Variants in NELL1 observed in about 807,000 individuals in gnomAD.
NELL1 encodes the protein protein kinase C-binding protein NELL1.
Under a neutral mutation model 107.4 loss-of-function variants are expected in NELL1, and 76 were observed. That is an observed-to-expected ratio of 0.71 (90% CI 0.59 to 0.86). The LOEUF (loss-of-function observed/expected upper bound fraction) is 0.86. Ranked by LOEUF, NELL1 falls within the 40% of genes least tolerant of loss-of-function variation. The pLI, the probability that NELL1 is intolerant of heterozygous loss-of-function variation, is 0.00. For missense variants in NELL1, 1,024 were observed against 1,005.5 expected (o/e 1.02, Z -0.25); for synonymous variants, 353 against 341.2 (o/e 1.03, Z -0.38).
rs538678789 is a variant in NELL1 at position 21,141,735 on chromosome 11, CTTTT to C, written c.1426+28023_1426+28026del. Among the ~76,000 whole-genome samples the C allele has an allele frequency of 2.8e-4, 41 of 145,906 alleles. No homozygotes were observed. The South Asian group carries it at 5.5e-3, about 20-fold the overall frequency. ...CCATTGTATACCCTCCTCCTCTATC[CTTTT>C]TATTTATTTATTTATTTATTTATTT... On this transcript the variant is annotated intron_variant, in intron 13 of 19. Coordinates refer to ENST00000357134, the MANE Select transcript of NELL1 (RefSeq NM_006157.5).
chr11:20,708,728 A>C (rs921690655), intron 2 of NELL1, among the ~76,000 whole-genome samples: 1 of 151,980 alleles, frequency 6.6e-6, no homozygotes, highest in Admixed American at 6.6e-5. Flanking sequence ...TTTTAGTTTA[A>C]TTAGGTCCCA....
chr11:21,454,484 T>C (rs992812018), intron 15 of NELL1, among the ~76,000 whole-genome samples: 9 of 152,220 alleles, frequency 5.9e-5, no homozygotes, highest in Admixed American at 4.6e-4. Context: ...GCTGTTTTTC[T>C]CATATATTTC....
intron 12 of NELL1, among the ~76,000 whole-genome samples, chr11:21,092,060 T>A (rs994925013): frequency 2.0e-5 from 3 of 152,176 alleles, no homozygotes; most frequent in African/African-American, 7.2e-5. Flanking sequence ...GGATGAGAAA[T>A]GGCACCGAGT....
chr11:20,929,403 T>C (rs1263465235), intron 9 of NELL1, among the ~76,000 whole-genome samples: 3 of 151,862 alleles, frequency 2.0e-5, no homozygotes, highest in African/African-American at 7.3e-5. Context: ...CAAATAATTG[T>C]TGAACTTTTC....
intron 14 of NELL1, among the ~76,000 whole-genome samples, chr11:21,310,395 G>A (rs1849725431): frequency 6.6e-6 from 1 of 152,046 alleles, no homozygotes; most frequent in Non-Finnish European, 1.5e-5. Context: ...TCACTGAGTG[G>A]CTGCTATGTG....
rs1850516069 is a variant in NELL1 at position 20,927,217 on chromosome 11, C to G, written c.760-91C>G. On this transcript the variant is annotated intron_variant, in intron 7 of 19. Transcript: ENST00000357134. ...ACTGCTCTGAGCATTTTTTTCTCTTCTCAGAAGGATTTTTTTTCTTGTTGC... is the reference window on the plus strand; with the variant it reads ...ACTGCTCTGAGCATTTTTTTCTCTTGTCAGAAGGATTTTTTTTCTTGTTGC... The G allele has an allele frequency of 3.1e-6, 4 of 1,279,902 alleles. No homozygotes were observed. In the East Asian group the frequency reaches 7.3e-5, roughly 23 times the overall value. The allele number at this position is 1,279,902 out of a possible 1,614,324, so 79.3% of individuals were successfully genotyped here.
chr11:20,736,707 G>A (rs541645851), intron 2 of NELL1, among the ~76,000 whole-genome samples: 23 of 151,966 alleles, frequency 1.5e-4, no homozygotes, highest in Admixed American at 2.6e-4. Context: ...TAAAGGAAAA[G>A]TTGATAATTT....
chr11:21,408,271 T>A (rs1296145116), intron 15 of NELL1, among the ~76,000 whole-genome samples: 1 of 152,072 alleles, frequency 6.6e-6, no homozygotes, highest in African/African-American at 2.4e-5. Flanking sequence ...AGCTTCTAAC[T>A]ACTCCCACTC....
intron 16 of NELL1, among the ~76,000 whole-genome samples, chr11:21,538,726 T>G (rs1856210436): frequency 6.6e-6 from 1 of 152,152 alleles, no homozygotes; most frequent in Non-Finnish European, 1.5e-5. Flanking sequence ...TGTCTAGGCA[T>G]AGTTATCTGG....
At chr11:21,558,921 G>A (rs1856785492) in intron 16 of NELL1, among the ~76,000 whole-genome samples, 2 of 152,012 alleles carry the variant, frequency 1.3e-5, no homozygotes, top group Admixed American at 6.6e-5. Context: ...AATACACTGA[G>A]AATGGGATGG....
chr11:20,975,581 C>CACATATGTAGATATAATGTATTATATAT (rs747699721), intron 12 of NELL1, among the ~76,000 whole-genome samples: 3,755 of 131,768 alleles, frequency 0.028, 264 homozygotes, highest in East Asian at 0.063. Flanking sequence ...GTATTATATA[C>CACATATGTAGATATAATGTATTATATAT]ACATATGTAG....
rs543373832 is a variant in NELL1, at chr11:20,834,997, C to T, written c.336-12586C>T. On this transcript the variant is annotated intron_variant, in intron 3 of 19. Transcript: ENST00000357134. ...AACTTACCTTTCTGTTGCTTCACAA[C>T]TCCTCTGATCTGTTTGTGTACATCG... Among the ~76,000 whole-genome samples, 4 of 152,324 alleles carry T rather than the reference C, an allele frequency of 2.6e-5. No individual in the cohort carries two copies. In the South Asian group the frequency reaches 8.3e-4, roughly 32 times the overall value.
chr11:21,487,901 G>A (rs951119008), intron 15 of NELL1, among the ~76,000 whole-genome samples: 1 of 151,988 alleles, frequency 6.6e-6, no homozygotes, highest in African/African-American at 2.4e-5. Context: ...AGATAAAACA[G>A]ACTTTACATC....
At chr11:21,296,631 G>A (rs1038869952) in intron 14 of NELL1, among the ~76,000 whole-genome samples, 6 of 151,844 alleles carry the variant, frequency 4.0e-5, no homozygotes, top group Non-Finnish European at 5.9e-5. Flanking sequence ...AGGAAGAAGC[G>A]CTGATACTAT....
chr11:21,500,031 T>G (rs189310234), intron 15 of NELL1, among the ~76,000 whole-genome samples: 1 of 152,244 alleles, frequency 6.6e-6, no homozygotes, highest in African/African-American at 2.4e-5. Flanking sequence ...GTAAAAAGGA[T>G]ACGTTTAAGC....
intron 12 of NELL1, among the ~76,000 whole-genome samples, chr11:21,075,601 G>A (rs532382602): frequency 1.8e-4 from 28 of 152,142 alleles, no homozygotes; most frequent in Admixed American, 3.3e-4. Flanking sequence ...ACCTCAGCCT[G>A]GATAATTTTT....
chr11:20,945,751 G>A (rs773738874), intron 10 of NELL1, among the ~76,000 whole-genome samples: 1 of 152,150 alleles, frequency 6.6e-6, no homozygotes, highest in Non-Finnish European at 1.5e-5. Flanking sequence ...CATCAGGTAG[G>A]GACACTTGCC....
chr11:21,418,376 G>C (rs751224356), intron 15 of NELL1, among the ~76,000 whole-genome samples: 8 of 152,034 alleles, frequency 5.3e-5, no homozygotes, highest in Non-Finnish European at 1.0e-4. Context: ...CTTATCTACT[G>C]ATTTGCCTTA....
chr11:21,011,073 A>G (rs1852436345), intron 12 of NELL1, among the ~76,000 whole-genome samples: 1 of 152,030 alleles, frequency 6.6e-6, no homozygotes, highest in Non-Finnish European at 1.5e-5. Flanking sequence ...TTCTAGCTTT[A>G]TTTCCCCAGA....
Sources: gnomAD v4.1 joint callset for allele counts (sites outside exome capture counted in the v4.1 genomes callset) on GRCh38, gnomAD v4.1.1 for gene constraint, MANE v1.5 for transcripts, NCBI Gene and HGNC (gene_info 2026-07-23, HGNC 2026-07-21) for gene names.